The following LUZP1 variants were observed in gnomAD, a reference collection of about 807,000 sequenced individuals.
The protein encoded by LUZP1 is leucine zipper protein 1, also known as filamin mechanobinding actin cross-linking protein.
LUZP1 carries 25 observed loss-of-function variants against 71.3 expected under a neutral mutation model. That is an observed-to-expected ratio of 0.35 (90% CI 0.26 to 0.49). The LOEUF (loss-of-function observed/expected upper bound fraction) is 0.49. Ranked by LOEUF, LUZP1 falls within the 20% of genes least tolerant of loss-of-function variation. The pLI is 0.99. For synonymous variants in LUZP1, 481 were observed against 506.4 expected (o/e 0.95, Z 0.67); for missense variants, 1,142 against 1,300.8 (o/e 0.88, Z 1.88).
At chr1:23,147,612 CAAAA>C (rs774893320) in intron 2 of LUZP1, among the ~76,000 whole-genome samples, 2 of 61,464 alleles carry the variant, frequency 3.3e-5, no homozygotes, top group African/African-American at 6.6e-5. Flanking sequence ...AGTCTCTACC[CAAAA>C]AAAAAAAAAA....
At chr1:23,170,462 C>CTTTTTT (rs200073505) in intron 1 of LUZP1, among the ~76,000 whole-genome samples, 10 of 127,440 alleles carry the variant, frequency 7.8e-5, no homozygotes, top group Non-Finnish European at 1.0e-4. Flanking sequence ...CTTTTTCTTT[C>CTTTTTT]TTTTTTTTTT....
At chr1:23,139,149 G>A (rs994469755) in intron 2 of LUZP1, among the ~76,000 whole-genome samples, 10 of 146,082 alleles carry the variant, frequency 6.8e-5, no homozygotes, top group African/African-American at 1.8e-4. Context: ...ACACCAAAGC[G>A]TACTTCCCAC....
chr1:23,158,291 T>C (rs1644436041), intron 2 of LUZP1, among the ~76,000 whole-genome samples: 1 of 152,242 alleles, frequency 6.6e-6, no homozygotes, highest in African/African-American at 2.4e-5. Flanking sequence ...TTGGTTTGAA[T>C]AAACTGCGAT....
At chr1:23,141,311 CT>C (rs1644300957) in intron 2 of LUZP1, among the ~76,000 whole-genome samples, 1 of 152,190 alleles carries the variant, frequency 6.6e-6, no homozygotes, top group Admixed American at 6.5e-5. Context: ...GACAAAAAGC[CT>C]TGGGCAGTGC....
chr1:23,144,224 A>G lies in LUZP1; in HGVS notation c.-226+24542T>C, dbSNP rs189358686. ...AGGATATGGAAGAGTCTCCAATGCT[A>G]TATCTTTTCATCGAAGAGATGGAAA... On this transcript the variant is annotated intron_variant, in intron 2 of 4. Transcript: ENST00000302291. 3.1e-4 allele frequency among the ~76,000 whole-genome samples: 47 copies of G among 152,326 alleles called. 1 individual carries two copies. Among genetic ancestry groups the G allele is most frequent in the Admixed American group, 2.7e-3 (42 of 15,296 alleles).
intron 3 of LUZP1, among the ~76,000 whole-genome samples, chr1:23,105,438 C>T (rs1643972873): frequency 6.6e-6 from 1 of 152,200 alleles, no homozygotes; most frequent in Non-Finnish European, 1.5e-5. Context: ...TGAAGCCAGG[C>T]AGCCTAAGTT....
intron 1 of LUZP1, among the ~76,000 whole-genome samples, chr1:23,177,157 G>A (rs1020165319): frequency 3.3e-5 from 5 of 152,114 alleles, no homozygotes; most frequent in African/African-American, 1.2e-4. Context: ...TCCCAAAGTG[G>A]TGGGATTACA....
intron 2 of LUZP1, among the ~76,000 whole-genome samples, chr1:23,125,347 C>T (rs1346996626): frequency 6.6e-6 from 1 of 152,076 alleles, no homozygotes; most frequent in African/African-American, 2.4e-5. Context: ...TTTGCCATTG[C>T]TGATTTTTTT....
intron 2 of LUZP1, among the ~76,000 whole-genome samples, chr1:23,117,470 T>TCTCTCC (rs1644089958): frequency 2.9e-5 from 1 of 34,482 alleles, no homozygotes; most frequent in African/African-American, 2.0e-4. Context: ...TCTCTCTCTC[T>TCTCTCC]CTCTCTCCCC....
chr1:23,117,758 C>T (rs1644096942), intron 2 of LUZP1, among the ~76,000 whole-genome samples: 2 of 152,074 alleles, frequency 1.3e-5, no homozygotes, highest in Non-Finnish European at 2.9e-5. Context: ...TACTAAGTCA[C>T]ACTTGCCAAC....
intron 2 of LUZP1, among the ~76,000 whole-genome samples, chr1:23,113,669 CAGG>C (rs892591023): frequency 2.5e-4 from 38 of 152,162 alleles, no homozygotes; most frequent in African/African-American, 9.1e-4. Flanking sequence ...ATCACGAGAT[CAGG>C]AGATCGGGAC....
intron 2 of LUZP1, among the ~76,000 whole-genome samples, chr1:23,158,409 G>A (rs935505473): frequency 6.6e-6 from 1 of 152,138 alleles, no homozygotes; most frequent in Non-Finnish European, 1.5e-5. Context: ...CCAGCACTTT[G>A]GAAGGCCAAG....
chr1:23,158,365 G>A (rs1413792126), intron 2 of LUZP1, among the ~76,000 whole-genome samples: 1 of 152,120 alleles, frequency 6.6e-6, no homozygotes, highest in East Asian at 1.9e-4. Context: ...TAAAAGATGG[G>A]TTAGGCTAGG....
intron 1 of LUZP1, among the ~76,000 whole-genome samples, chr1:23,171,180 G>C (rs1030855806): frequency 6.6e-6 from 1 of 150,788 alleles, no homozygotes; most frequent in African/African-American, 2.4e-5. Flanking sequence ...ATTATTTCTA[G>C]TTATTAACAC....
chr1:23,092,472 G>A (rs1643866620), exon 4 of LUZP1: 3 of 1,614,196 alleles, frequency 1.9e-6, no homozygotes, highest in Non-Finnish European at 2.5e-6. Context: ...AGGAGCCTTG[G>A]AATTCGGGCA....
chr1:23,168,906 C>A (rs1454867578), exon 2 of LUZP1: 1 of 152,224 alleles, frequency 6.6e-6, no homozygotes, highest in East Asian at 1.9e-4. Flanking sequence ...AAGGCGGGGT[C>A]TTTGTGATGG....
chr1:23,146,721 G>A lies in LUZP1; in HGVS notation c.-226+22045C>T, dbSNP rs544418027. 3.3e-5 allele frequency among the ~76,000 whole-genome samples: 5 copies of A among 152,240 alleles called. No homozygotes were observed. In the South Asian group the frequency reaches 6.2e-4, roughly 19 times the overall value. On this transcript the variant is annotated intron_variant, in intron 2 of 4. Transcript: ENST00000302291. ...AGAGGTGGCAGGATCACCTGAGCCC[G>A]GGAAGATCAAGGCTGCAGTGAGCAG...
Position 23,118,140 on chromosome 1 carries a change from G to A in LUZP1, c.-225-9013C>T, listed in dbSNP as rs978020291. 4.0e-5 allele frequency among the ~76,000 whole-genome samples: 6 copies of A among 151,856 alleles called. No individual in the cohort carries two copies. The East Asian group carries it at 5.9e-4, about 15-fold the overall frequency. On this transcript the variant is annotated intron_variant, in intron 2 of 4. Transcript: ENST00000302291. ...AAAACAAACAGTCATGGTGGCTTGC[G>A]CCTGTAATCCCAGCACTGTGGGAGG...
chr1:23,091,304 A>G, exon 4 of LUZP1: 2 of 1,614,108 alleles, frequency 1.2e-6, no homozygotes, highest in Non-Finnish European at 1.7e-6. Context: ...AGGAGGGCTC[A>G]GGGGCATCCC....
Sources: allele counts gnomAD v4.1 joint callset (sites outside exome capture counted in the v4.1 genomes callset), GRCh38; gene constraint gnomAD v4.1.1; transcripts MANE v1.5; gene names NCBI Gene and HGNC (gene_info 2026-07-23, HGNC 2026-07-21).